Variants in CDKAL1 observed in about 807,000 individuals in gnomAD.
CDKAL1 encodes the protein CDKAL1 threonylcarbamoyladenosine tRNA methylthiotransferase.
Under a neutral mutation model 68.2 loss-of-function variants are expected in CDKAL1, and 32 were observed. The ratio of observed to expected loss-of-function variants is 0.47; its 90% CI spans 0.35 to 0.63. CDKAL1 has a LOEUF of 0.63. Ranked by LOEUF, CDKAL1 falls within the 30% of genes least tolerant of loss-of-function variation. The probability of loss-of-function intolerance (pLI) is 0.00; values close to 1 mark genes in which losing one functional copy is unlikely to be tolerated. For synonymous variants in CDKAL1, 234 were observed against 244.3 expected (o/e 0.96, Z 0.39); for missense variants, 606 against 696.7 (o/e 0.87, Z 1.47).
At chr6:20,960,448 A>G (rs1192653282) in intron 10 of CDKAL1, among the ~76,000 whole-genome samples, 2 of 152,126 alleles carry the variant, frequency 1.3e-5, no homozygotes, top group Non-Finnish European at 2.9e-5. Flanking sequence ...CTTCCCACAT[A>G]TGTTCTGTGC....
chr6:20,763,420 G>A (rs1273968269), intron 7 of CDKAL1, among the ~76,000 whole-genome samples: 3 of 152,102 alleles, frequency 2.0e-5, no homozygotes, highest in Non-Finnish European at 4.4e-5. Context: ...TTAGTAAATC[G>A]TTCCTTTATG....
chr6:20,804,107 C>T (rs1417111960), intron 8 of CDKAL1, among the ~76,000 whole-genome samples: 1 of 152,124 alleles, frequency 6.6e-6, no homozygotes, highest in African/African-American at 2.4e-5. Context: ...AATATAACTA[C>T]ACTATAACAT....
chr6:21,118,952 CG>C (rs1162784946), intron 13 of CDKAL1, among the ~76,000 whole-genome samples: 2 of 152,158 alleles, frequency 1.3e-5, no homozygotes, highest in African/African-American at 4.8e-5. Context: ...TTAGGCTTTG[CG>C]GGTGGCAGTG....
In CDKAL1 at chr6:21,180,637, T is replaced by A. The variant is rs115068408; in HGVS notation, c.1300-17384T>A. Among the ~76,000 whole-genome samples, 841 of 152,322 alleles carry A rather than the reference T, an allele frequency of 5.5e-3. 6 individuals are homozygous for A. Among genetic ancestry groups the A allele is most frequent in the African/African-American group, 0.018 (755 of 41,570 alleles). ...AAAAACTTTTTTCCAGATACATTTT[T>A]TTTTTACTATGTATGAGTCACCCTT... On this transcript the variant is annotated intron_variant, in intron 13 of 15. Coordinates refer to ENST00000274695, the MANE Select transcript of CDKAL1 (RefSeq NM_017774.3).
chr6:20,556,969 C>T lies in CDKAL1; in HGVS notation c.286+8264C>T, dbSNP rs571211544. 8.7e-5 allele frequency among the ~76,000 whole-genome samples: 13 copies of T among 149,372 alleles called. No individual in the cohort carries two copies. In the South Asian group the frequency reaches 1.9e-3, roughly 22 times the overall value. ...AGGAGAATGGCGTGAACCTGGGAGG[C>T]GGAGCTTGCAGTGAGCTGAGATCAT... On this transcript the variant is annotated intron_variant, in intron 4 of 15. Transcript: ENST00000274695.
chr6:20,925,796 A>G (rs952339885), intron 9 of CDKAL1, among the ~76,000 whole-genome samples: 1 of 152,154 alleles, frequency 6.6e-6, no homozygotes, highest in Non-Finnish European at 1.5e-5. Flanking sequence ...CAAGCCAAAG[A>G]TATTAGTTAC....
rs527396012 is a variant in CDKAL1 at position 21,032,162 on chromosome 6, G to A, written c.1055+31790G>A. On this transcript the variant is annotated intron_variant, in intron 11 of 15. Transcript: ENST00000274695. ...CCCTCCTGGCCCATTTTGTGCCTAAGTAGTAAGTGTGGCTATTTTAGTTTC... is the reference window on the plus strand; with the variant it reads ...CCCTCCTGGCCCATTTTGTGCCTAAATAGTAAGTGTGGCTATTTTAGTTTC... Among the ~76,000 whole-genome samples the A allele has an allele frequency of 3.9e-5, 6 of 152,238 alleles. No individual in the cohort carries two copies. In the East Asian group the frequency reaches 1.2e-3, roughly 29 times the overall value.
chr6:21,227,937 G>C (rs1305270604), intron 15 of CDKAL1, among the ~76,000 whole-genome samples: 1 of 152,178 alleles, frequency 6.6e-6, no homozygotes, highest in Non-Finnish European at 1.5e-5. Flanking sequence ...AGAAGGCGCA[G>C]TACCTGCACT....
chr6:20,989,139 TA>T (rs200955841), intron 10 of CDKAL1, among the ~76,000 whole-genome samples: 1 of 149,322 alleles, frequency 6.7e-6, no homozygotes. Context: ...GCAGAAACAG[TA>T]AAAAAAAATA....
chr6:21,044,513 C>CT, intron 11 of CDKAL1, among the ~76,000 whole-genome samples: 1 of 152,170 alleles, frequency 6.6e-6, no homozygotes, highest in Admixed American at 6.5e-5. Context: ...ACCAGGTTCT[C>CT]TAAGTTCATA....
At chr6:21,083,012 T>C (rs1772492087) in intron 12 of CDKAL1, among the ~76,000 whole-genome samples, 1 of 151,758 alleles carries the variant, frequency 6.6e-6, no homozygotes, top group Non-Finnish European at 1.5e-5. Context: ...TAGCTGGGAC[T>C]ACAGGCATGC....
intron 5 of CDKAL1, among the ~76,000 whole-genome samples, chr6:20,649,771 A>C (rs1768663355): frequency 6.6e-6 from 1 of 151,878 alleles, no homozygotes; most frequent in South Asian, 2.1e-4. Context: ...CCCTGTGTCC[A>C]TGTGTTCTCA....
chr6:20,846,096 C>T lies in CDKAL1; in HGVS notation c.660C>T (p.Tyr220=). 1 of 1,612,442 alleles carries T rather than the reference C, an allele frequency of 6.2e-7. No homozygotes were observed. Among genetic ancestry groups the T allele is most frequent in the Non-Finnish European group, 8.5e-7 (1 of 1,178,864 alleles). The stretch of plus-strand genomic sequence containing the variant: ...ACAGGTGTCTCAATGCTTGTACCTA[C>T]TGCAAAACTAAACACGCCAGAGGAA... ...INTGCLNACT[Y]CKTKHARGNL... The change falls in exon 9 of 16, where the codon TAC becomes TAT. Residue 220 remains tyrosine (Y), a synonymous_variant. Coordinates refer to ENST00000274695, the MANE Select transcript of CDKAL1 (RefSeq NM_017774.3).
At chr6:20,773,915 C>A (rs1391256033) in intron 7 of CDKAL1, among the ~76,000 whole-genome samples, 1 of 152,080 alleles carries the variant, frequency 6.6e-6, no homozygotes, top group Non-Finnish European at 1.5e-5. Flanking sequence ...CTGCCCTCTG[C>A]CCCCATCATC....
chr6:21,183,437 T>C (rs9465983), intron 13 of CDKAL1, among the ~76,000 whole-genome samples: 39,507 of 152,012 alleles, frequency 0.26, 5,558 homozygotes, highest in African/African-American at 0.36. Context: ...TTAACAATAA[T>C]CTAGACTCTA....
At chr6:20,619,789 C>T (rs574108682) in intron 4 of CDKAL1, among the ~76,000 whole-genome samples, 1 of 152,248 alleles carries the variant, frequency 6.6e-6, no homozygotes, top group South Asian at 2.1e-4. Flanking sequence ...TTTAATGAGG[C>T]ACTTGTTTGT....
intron 12 of CDKAL1, among the ~76,000 whole-genome samples, chr6:21,078,599 G>C (rs1271777202): frequency 1.3e-5 from 2 of 152,100 alleles, no homozygotes; most frequent in Non-Finnish European, 2.9e-5. Context: ...CCTCGATCTT[G>C]CCATTCCTTC....
intron 9 of CDKAL1, among the ~76,000 whole-genome samples, chr6:20,924,560 G>T (rs1763100385): frequency 1.3e-5 from 2 of 152,216 alleles, no homozygotes; most frequent in African/African-American, 2.4e-5. Context: ...AGTTTGAGTG[G>T]TCTAGATAGA....
intron 12 of CDKAL1, among the ~76,000 whole-genome samples, chr6:21,096,223 G>A (rs1034743477): frequency 1.1e-4 from 17 of 152,200 alleles, no homozygotes; most frequent in African/African-American, 4.1e-4. Flanking sequence ...GGAGGGAGAT[G>A]CATTGGCTTT....
Sources: gnomAD v4.1 joint callset for allele counts (sites outside exome capture counted in the v4.1 genomes callset) on GRCh38, gnomAD v4.1.1 for gene constraint, MANE v1.5 for transcripts, NCBI Gene and HGNC (gene_info 2026-07-23, HGNC 2026-07-21) for gene names.